Variants in ARMH4 observed in about 807,000 individuals in gnomAD.
The protein encoded by ARMH4 is armadillo-like helical domain-containing protein 4.
In ARMH4, 49 loss-of-function variants were observed where a neutral mutation model predicts 61.9. The ratio of observed to expected loss-of-function variants is 0.79; its 90% CI spans 0.63 to 1.00. The LOEUF (loss-of-function observed/expected upper bound fraction) is 1.00. Among genes scored for constraint, ARMH4 ranks in the 50% least tolerant of loss-of-function variants. The pLI is 0.00. For synonymous variants in ARMH4, 368 were observed against 341.5 expected, an observed-to-expected ratio of 1.08 and a Z score of -0.85; for missense variants, 934 against 930.0, an observed-to-expected ratio of 1.00 and a Z score of -0.06.
At chr14:58,027,466 G>T (rs11620985) in intron 5 of ARMH4, among the ~76,000 whole-genome samples, 24,793 of 152,166 alleles carry the variant, frequency 0.16, 2,675 homozygotes, top group East Asian at 0.48. Context: ...CTCCCTTTAG[G>T]TTTTGGTACT....
chr14:58,021,100 C>T (rs1306123087), intron 5 of ARMH4, among the ~76,000 whole-genome samples: 1 of 152,156 alleles, frequency 6.6e-6, no homozygotes, highest in Non-Finnish European at 1.5e-5. Flanking sequence ...ACTTATTGTT[C>T]CATTTAGGCC....
rs137899832 is a variant in ARMH4 at position 58,031,975 on chromosome 14, C to G, written c.2090-19825G>C. 1.7e-3 allele frequency among the ~76,000 whole-genome samples: 259 copies of G among 152,298 alleles called. 2 individuals carry two copies. The highest frequency in any genetic ancestry group is 6.0e-3 in the African/African-American group (249 of 41,570). On this transcript the variant is annotated intron_variant, in intron 5 of 7. Coordinates refer to ENST00000267485, the MANE Select transcript of ARMH4 (RefSeq NM_001001872.4). ...CCCTCAGGAAAAAGTCTGACCTTCACTCAGTTTCTAAGGCCCTATATGATT... is the reference window on the plus strand; with the variant it reads ...CCCTCAGGAAAAAGTCTGACCTTCAGTCAGTTTCTAAGGCCCTATATGATT...
chr14:58,145,771 G>A (rs1346031158), intron 1 of ARMH4, among the ~76,000 whole-genome samples: 2 of 152,136 alleles, frequency 1.3e-5, no homozygotes, highest in Non-Finnish European at 2.9e-5. Flanking sequence ...ATTGATGAAA[G>A]CTTTTTCTAT....
At chr14:58,066,391 G>A (rs1051506532) in intron 5 of ARMH4, among the ~76,000 whole-genome samples, 1 of 152,160 alleles carries the variant, frequency 6.6e-6, no homozygotes, top group Non-Finnish European at 1.5e-5. Context: ...CAATCTAGTG[G>A]TTGCCAGGGC....
intron 4 of ARMH4, among the ~76,000 whole-genome samples, chr14:58,110,724 T>C (rs1886328500): frequency 6.6e-6 from 1 of 150,770 alleles, no homozygotes; most frequent in Admixed American, 6.6e-5. Flanking sequence ...TTGTTGAGAT[T>C]TTTTTTTTTA....
intron 5 of ARMH4, among the ~76,000 whole-genome samples, chr14:58,064,064 TC>T (rs1884622935): frequency 6.6e-6 from 1 of 150,690 alleles, no homozygotes; most frequent in African/African-American, 2.5e-5. Flanking sequence ...ACTTACAATA[TC>T]AACAATAGGT....
At chr14:58,144,606 G>A (rs746237752) in intron 1 of ARMH4, among the ~76,000 whole-genome samples, 6 of 152,200 alleles carry the variant, frequency 3.9e-5, no homozygotes, top group South Asian at 2.1e-4. Flanking sequence ...AGTGGCTCAC[G>A]CCTGAAATCC....
At chr14:58,091,266 C>T (rs187058083) in intron 5 of ARMH4, among the ~76,000 whole-genome samples, 7 of 152,228 alleles carry the variant, frequency 4.6e-5, no homozygotes, top group Admixed American at 2.0e-4. Flanking sequence ...CCTTCCTTCT[C>T]TGAACAATGT....
chr14:58,004,871 A>G (rs553729686), intron 7 of ARMH4, 67 bp from the exon 8 acceptor site: 258 of 1,544,772 alleles, frequency 1.7e-4, no homozygotes, highest in Non-Finnish European at 2.3e-4. Context: ...AAACAGGCCC[A>G]CTTTAAAAGA....
chr14:58,032,012 A>G (rs1243975661), intron 5 of ARMH4, among the ~76,000 whole-genome samples: 2 of 152,156 alleles, frequency 1.3e-5, no homozygotes, highest in Non-Finnish European at 2.9e-5. Flanking sequence ...CAGTTCTTAC[A>G]GTGAGCTGAG....
intron 5 of ARMH4, among the ~76,000 whole-genome samples, chr14:58,058,836 G>A (rs762957622): frequency 2.6e-5 from 4 of 152,198 alleles, no homozygotes; most frequent in East Asian, 1.9e-4. Flanking sequence ...CAGAACCCAC[G>A]GATACAGACG....
At chr14:58,069,192 AT>A (rs1363825545) in intron 5 of ARMH4, among the ~76,000 whole-genome samples, 2 of 152,170 alleles carry the variant, frequency 1.3e-5, no homozygotes, top group East Asian at 3.8e-4. Context: ...AATTACTGAC[AT>A]TTCCATTGAG....
At chr14:58,133,468 A>G in intron 2 of ARMH4, 127 bp from the exon 3 acceptor site, 1 of 835,324 alleles carries the variant, frequency 1.2e-6, no homozygotes, top group South Asian at 1.8e-5. Flanking sequence ...GGAAGCAAAG[A>G]GAGAACTCAG....
At position 58,139,007 on chromosome 14, in the gene ARMH4, C is replaced by G; in HGVS notation, c.352G>C (p.Gly118Arg). Residue 118 changes from glycine (G) to arginine (R), a missense_variant, in exon 2 of 8, where the codon GGT (glycine) becomes CGT (arginine). Coordinates refer to ENST00000267485, the MANE Select transcript of ARMH4 (RefSeq NM_001001872.4). ...AATACTTCTTCAGCTGAGGGGACACCTGACTCAGTAGGTGTGGAAACACCA... is the reference window on the plus strand; with the variant it reads ...AATACTTCTTCAGCTGAGGGGACACGTGACTCAGTAGGTGTGGAAACACCA... ...RPGVSTPTES[G>R]VPSAEEVFGS... 1 of 1,614,212 alleles carries G rather than the reference C, an allele frequency of 6.2e-7. No homozygotes were observed. Among genetic ancestry groups the G allele is most frequent in the Non-Finnish European group, 8.5e-7 (1 of 1,180,038 alleles).
intron 4 of ARMH4, among the ~76,000 whole-genome samples, chr14:58,128,607 A>G (rs1440662956): frequency 6.6e-6 from 1 of 152,246 alleles, no homozygotes; most frequent in Non-Finnish European, 1.5e-5. Flanking sequence ...ACAAGATAAA[A>G]GACACTGAAA....
In ARMH4 at chr14:58,091,169, G is replaced by A. The variant is rs570844850; in HGVS notation, c.2089+5555C>T. 2.7e-4 allele frequency among the ~76,000 whole-genome samples: 40 copies of A among 150,578 alleles called. No homozygotes were observed. In the South Asian group the frequency reaches 8.0e-3, roughly 30 times the overall value. ...GGAGGTTGTAGTGAGCCAAGATCAC[G>A]CCACTGCACTCCAGCCTGGGCAACA... On this transcript the variant is annotated intron_variant, in intron 5 of 7. Coordinates refer to ENST00000267485, the MANE Select transcript of ARMH4 (RefSeq NM_001001872.4).
At chr14:58,006,634 C>G (rs1566536136) in intron 6 of ARMH4, among the ~76,000 whole-genome samples, 1 of 152,102 alleles carries the variant, frequency 6.6e-6, no homozygotes, top group Non-Finnish European at 1.5e-5. Context: ...AAGTATTTTT[C>G]CCCAAGAAAC....
Position 58,046,077 on chromosome 14 carries a change from C to T in ARMH4, c.2090-33927G>A, listed in dbSNP as rs570823135. Among the ~76,000 whole-genome samples the T allele has an allele frequency of 5.3e-5, 8 of 152,304 alleles. No homozygotes were observed. In the South Asian group the frequency reaches 1.7e-3, roughly 32 times the overall value. ...GAGAGAACACATTTCTCTTGTAAGC[C>T]ACCCAGTTTATGGTCTTTTGTTATG... On this transcript the variant is annotated intron_variant, in intron 5 of 7. Transcript: ENST00000267485.
rs1887100477 is a variant in ARMH4, at chr14:58,131,592, G to A, written c.1751C>T (p.Ser584Phe). ...AGATGGAACAACAGTTCTTCTCTCA[G>A]AGGATGCCTCCAAAGCAGGAAGTGC... ...SPALPALEAS[S>F]ERRTVVPSIT... is the part of the protein sequence containing the mutation. Residue 584 changes from serine to phenylalanine, a missense_variant, in exon 4 of 8, where the codon TCT becomes TTT. Physicochemically the swap from Ser to Phe is radical, Grantham distance 155. Transcript: ENST00000267485. 6.2e-7 allele frequency: 1 copy of A among 1,614,222 alleles called. No individual in the cohort carries two copies. Among genetic ancestry groups the A allele is most frequent in the Admixed American group, 1.7e-5 (1 of 60,034 alleles).
Sources: gnomAD v4.1 joint callset for allele counts (sites outside exome capture counted in the v4.1 genomes callset) on GRCh38, gnomAD v4.1.1 for gene constraint, MANE v1.5 for transcripts, NCBI Gene and HGNC (gene_info 2026-07-23, HGNC 2026-07-21) for gene names.